Variants in AGBL4 observed in about 807,000 individuals in gnomAD.
AGBL4 encodes the protein cytosolic carboxypeptidase 6.
A neutral mutation model predicts 66.4 loss-of-function variants in AGBL4; 58 were observed. The observed-to-expected ratio is 0.87, with a 90% CI of 0.71 to 1.09. The LOEUF (loss-of-function observed/expected upper bound fraction) is 1.09. AGBL4 is among the 50% of genes least tolerant of loss of function. The pLI is 0.00. For missense variants in AGBL4, 579 were observed against 631.0 expected, an observed-to-expected ratio of 0.92 and a Z score of 0.88; for synonymous variants, 234 against 222.9, an observed-to-expected ratio of 1.05 and a Z score of -0.44.
chr1:49,701,049 C>G (rs944109136), intron 2 of AGBL4, among the ~76,000 whole-genome samples: 1 of 151,994 alleles, frequency 6.6e-6, no homozygotes, highest in Non-Finnish European at 1.5e-5. Context: ...AAATAAACCA[C>G]ATATTATTAA....
At chr1:49,113,175 C>A (rs1264245107) in intron 4 of AGBL4, among the ~76,000 whole-genome samples, 1 of 151,924 alleles carries the variant, frequency 6.6e-6, no homozygotes, top group Non-Finnish European at 1.5e-5. Context: ...TGGTCTTGAT[C>A]TCCTGACCTC....
intron 4 of AGBL4, among the ~76,000 whole-genome samples, chr1:49,052,702 G>A (rs901483098): frequency 6.6e-6 from 1 of 152,084 alleles, no homozygotes; most frequent in African/African-American, 2.4e-5. Flanking sequence ...CATCATGGGT[G>A]GAATAACAAT....
At chr1:48,679,087 C>T (rs1416483390) in intron 6 of AGBL4, among the ~76,000 whole-genome samples, 1 of 152,080 alleles carries the variant, frequency 6.6e-6, no homozygotes, top group African/African-American at 2.4e-5. Context: ...GAGGGAAGCA[C>T]GGGGTACTGG....
intron 2 of AGBL4, among the ~76,000 whole-genome samples, chr1:49,749,466 G>T (rs1408896212): frequency 6.6e-6 from 1 of 152,234 alleles, no homozygotes; most frequent in East Asian, 1.9e-4. Flanking sequence ...CTTATTAACA[G>T]ATTATAGTGC....
chr1:49,245,295 C>A (rs567156402), intron 4 of AGBL4, among the ~76,000 whole-genome samples: 8 of 131,530 alleles, frequency 6.1e-5, no homozygotes, highest in Admixed American at 2.3e-4. Context: ...CACACACACA[C>A]AAAACACAAA....
chr1:50,008,538 G>A (rs1661305931), intron 1 of AGBL4, among the ~76,000 whole-genome samples: 2 of 152,060 alleles, frequency 1.3e-5, no homozygotes, highest in South Asian at 4.1e-4. Context: ...AGAGTTTATT[G>A]CCGTAAGAAA....
chr1:49,190,360 A>C (rs958155609), intron 4 of AGBL4, among the ~76,000 whole-genome samples: 1 of 152,196 alleles, frequency 6.6e-6, no homozygotes, highest in Admixed American at 6.6e-5. Context: ...TGAGTCCTTT[A>C]TTATATTGTT....
At chr1:48,729,529 G>C (rs1409234597) in intron 6 of AGBL4, among the ~76,000 whole-genome samples, 1 of 152,174 alleles carries the variant, frequency 6.6e-6, no homozygotes, top group Non-Finnish European at 1.5e-5. Context: ...AATTGTCTCA[G>C]AGATGCAGAA....
At chr1:49,653,921 C>T (rs1646061311) in intron 3 of AGBL4, among the ~76,000 whole-genome samples, 1 of 151,966 alleles carries the variant, frequency 6.6e-6, no homozygotes, top group Non-Finnish European at 1.5e-5. Flanking sequence ...TCTAGGAGAA[C>T]TTCCCCAACC....
chr1:49,056,480 T>C (rs767925378), intron 4 of AGBL4, among the ~76,000 whole-genome samples: 5 of 151,992 alleles, frequency 3.3e-5, no homozygotes, highest in Admixed American at 6.6e-5. Context: ...ATATATATAA[T>C]TGGAAAAACT....
intron 2 of AGBL4, among the ~76,000 whole-genome samples, chr1:49,814,620 C>T (rs2147977986): frequency 6.6e-6 from 1 of 152,244 alleles, no homozygotes; most frequent in South Asian, 2.1e-4. Context: ...AACTAGGTTT[C>T]CAGCTTTTCT....
intron 3 of AGBL4, among the ~76,000 whole-genome samples, chr1:49,656,146 C>CAA (rs545673143): frequency 3.7e-5 from 4 of 108,894 alleles, no homozygotes; most frequent in South Asian, 3.0e-4. Flanking sequence ...GACTCCGTCT[C>CAA]AAAAAAAAAA....
At chr1:49,081,356 G>A (rs934789695) in intron 4 of AGBL4, among the ~76,000 whole-genome samples, 3 of 152,212 alleles carry the variant, frequency 2.0e-5, no homozygotes, top group African/African-American at 7.2e-5. Flanking sequence ...TCATTTTGCA[G>A]TCTTAAAGTC....
intron 1 of AGBL4, among the ~76,000 whole-genome samples, chr1:49,974,776 A>G (rs1658423249): frequency 1.3e-5 from 2 of 152,178 alleles, no homozygotes; most frequent in Admixed American, 6.5e-5. Context: ...AGAAGTTCAC[A>G]CTTAACTCCT....
rs552758163 is a variant in AGBL4, at chr1:48,741,824, A to C, written c.635-78583T>G. Among the ~76,000 whole-genome samples the C allele has an allele frequency of 5.3e-5, 8 of 152,364 alleles. No individual in the cohort carries two copies. The East Asian group carries it at 1.5e-3, about 29-fold the overall frequency. Reference sequence around the variant, plus strand: ...TGTCTGTAATGCATGCCACAGTGGCAGAGAACATAACGCTAAAGCTGAATT... The same window carrying C: ...TGTCTGTAATGCATGCCACAGTGGCCGAGAACATAACGCTAAAGCTGAATT... On this transcript the variant is annotated intron_variant, in intron 6 of 13. Coordinates refer to ENST00000371839, the MANE Select transcript of AGBL4 (RefSeq NM_032785.4).
chr1:49,690,189 G>A (rs967962453), intron 3 of AGBL4, among the ~76,000 whole-genome samples: 1 of 152,132 alleles, frequency 6.6e-6, no homozygotes, highest in Non-Finnish European at 1.5e-5. Context: ...TAGACATAAT[G>A]CTATTGCACA....
chr1:49,772,613 C>G (rs970080676), intron 2 of AGBL4, among the ~76,000 whole-genome samples: 1 of 152,116 alleles, frequency 6.6e-6, no homozygotes, highest in African/African-American at 2.4e-5. Flanking sequence ...TTATTCCTGA[C>G]GTATGGATAT....
At chr1:48,568,303 CT>C (rs766747883) in intron 11 of AGBL4, among the ~76,000 whole-genome samples, 92 of 152,330 alleles carry the variant, frequency 6.0e-4, no homozygotes, top group Non-Finnish European at 1.3e-3. Flanking sequence ...CTCTCTCTCT[CT>C]CTCTCTCTCT....
At chr1:49,795,534 C>T (rs904584505) in intron 2 of AGBL4, among the ~76,000 whole-genome samples, 2 of 151,684 alleles carry the variant, frequency 1.3e-5, no homozygotes, top group Admixed American at 6.6e-5. Context: ...CTGAAGTATT[C>T]CAGAGTTATG....
Sources: gnomAD v4.1 joint callset for allele counts (sites outside exome capture counted in the v4.1 genomes callset) on GRCh38, gnomAD v4.1.1 for gene constraint, MANE v1.5 for transcripts, NCBI Gene and HGNC (gene_info 2026-07-23, HGNC 2026-07-21) for gene names.